Variants in OSTM1 observed in about 807,000 individuals in gnomAD.
OSTM1 encodes osteopetrosis-associated transmembrane protein 1.
Under a neutral mutation model 35.4 loss-of-function variants are expected in OSTM1, and 26 were observed. The ratio of observed to expected loss-of-function variants is 0.73; its 90% CI spans 0.54 to 1.02. OSTM1 has a LOEUF of 1.02. Ranked by LOEUF, OSTM1 falls within the 50% of genes least tolerant of loss-of-function variation. The pLI is 0.00. For synonymous variants in OSTM1, 181 were observed against 165.0 expected, an observed-to-expected ratio of 1.10 and a Z score of -0.75; for missense variants, 366 against 409.6, an observed-to-expected ratio of 0.89 and a Z score of 0.92.
chr6:108,050,904 T>A, intron 4 of OSTM1, 127 bp downstream of exon 4: 2 of 807,058 alleles, frequency 2.5e-6, no homozygotes, highest in East Asian at 2.4e-5. Context: ...TACTACTTTA[T>A]AACTAGTTAT....
intron 2 of OSTM1, among the ~76,000 whole-genome samples, chr6:108,062,343 T>G (rs1772293594): frequency 6.6e-6 from 1 of 152,120 alleles, no homozygotes; most frequent in Non-Finnish European, 1.5e-5. Context: ...TGAAGCAGGA[T>G]GGCATGGGAT....
At chr6:108,056,895 G>T (rs1435797514) in intron 2 of OSTM1, among the ~76,000 whole-genome samples, 1 of 152,160 alleles carries the variant, frequency 6.6e-6, no homozygotes, top group Non-Finnish European at 1.5e-5. Flanking sequence ...CTAAGCCACA[G>T]AAATAGGTGA....
chr6:108,053,532 AC>A (rs1461682461), intron 3 of OSTM1, among the ~76,000 whole-genome samples: 1 of 152,124 alleles, frequency 6.6e-6, no homozygotes, highest in East Asian at 1.9e-4. Flanking sequence ...TTTTTTTGAG[AC>A]AGAGTCTCTC....
chr6:108,053,399 C>T (rs1054676601), intron 3 of OSTM1, among the ~76,000 whole-genome samples: 1 of 152,044 alleles, frequency 6.6e-6, no homozygotes, highest in Non-Finnish European at 1.5e-5. Context: ...ACTAAAGGCT[C>T]TGAAGTCCTG....
At chr6:108,045,250 T>C (rs1771947248) in intron 5 of OSTM1, among the ~76,000 whole-genome samples, 1 of 152,102 alleles carries the variant, frequency 6.6e-6, no homozygotes, top group Non-Finnish European at 1.5e-5. Context: ...TTCCCCAACC[T>C]GATAAAGAGC....
chr6:108,070,538 AG>A (rs1386160106), intron 1 of OSTM1, among the ~76,000 whole-genome samples: 1 of 152,154 alleles, frequency 6.6e-6, no homozygotes, highest in Admixed American at 6.6e-5. Context: ...CAAGAATAGT[AG>A]GTGCTTGCTA....
At chr6:108,058,695 G>A (rs965994949) in intron 2 of OSTM1, among the ~76,000 whole-genome samples, 66 of 151,962 alleles carry the variant, frequency 4.3e-4, no homozygotes, top group Non-Finnish European at 5.9e-4. Context: ...GGAGAATGGC[G>A]TGAACCTGGG....
In OSTM1 at chr6:108,044,811, C is replaced by T; in HGVS notation, c.979G>A (p.Ala327Thr). Residue 327 changes from alanine (A) to threonine (T), a missense_variant, in exon 6 of 6, where the codon GCA (alanine) becomes ACA (threonine). Ala to Thr is a moderately conservative substitution (Grantham distance 58). Transcript: ENST00000193322. ...CAGTTTGAATTTTCCTGAATATTTG[C>T]AAAACTGGTACTGGACTTGAGACGT... ...PKRLKSSTSF[A>T]NIQENSN is the part of the protein sequence containing the mutation. 6.3e-7 allele frequency: 1 copy of T among 1,581,198 alleles called. No homozygotes were observed. The highest frequency in any genetic ancestry group is 1.7e-5 in the Admixed American group (1 of 59,606).
intron 3 of OSTM1, 53 bp downstream of exon 3, chr6:108,054,437 T>G (rs1772135489): frequency 2.4e-6 from 2 of 820,718 alleles, no homozygotes; most frequent in East Asian, 2.7e-5. Context: ...GAACTGCACA[T>G]TATTCCTTTG....
intron 1 of OSTM1, among the ~76,000 whole-genome samples, chr6:108,067,893 G>A (rs1582398315): frequency 6.7e-6 from 1 of 149,120 alleles, no homozygotes; most frequent in Non-Finnish European, 1.5e-5. Flanking sequence ...GTCCCACATT[G>A]CTCTTTAGTG....
At chr6:108,045,847 C>A (rs146497624) in intron 5 of OSTM1, among the ~76,000 whole-genome samples, 3 of 152,090 alleles carry the variant, frequency 2.0e-5, no homozygotes, top group Non-Finnish European at 4.4e-5. Context: ...CTAAGAGTCT[C>A]CCTACTTCAG....
chr6:108,057,272 C>A (rs891642144), intron 2 of OSTM1, among the ~76,000 whole-genome samples: 10 of 151,966 alleles, frequency 6.6e-5, no homozygotes, highest in Non-Finnish European at 1.5e-4. Flanking sequence ...TGAAGTAGCC[C>A]GCAATCCTTT....
In OSTM1 at chr6:108,048,953, G is replaced by A. The variant is rs549610047; in HGVS notation, c.949+300C>T. Among the ~76,000 whole-genome samples the A allele has an allele frequency of 7.9e-5, 12 of 151,866 alleles. No homozygotes were observed. In the South Asian group the frequency reaches 1.9e-3, roughly 24 times the overall value. On this transcript the variant is annotated intron_variant, in intron 5 of 5. Transcript: ENST00000193322. ...TTTTTAGTAGAGATGGGGTTTCACCGTGTTAGCCAGGATGGTCTCGATCTC... is the reference window on the plus strand; with the variant it reads ...TTTTTAGTAGAGATGGGGTTTCACCATGTTAGCCAGGATGGTCTCGATCTC...
At chr6:108,054,432 G>A in intron 3 of OSTM1, 58 bp downstream of exon 3, 2 of 771,200 alleles carry the variant, frequency 2.6e-6, no homozygotes, top group Non-Finnish European at 4.3e-6. Flanking sequence ...ACTTGGAACT[G>A]CACATTATTC....
chr6:108,070,506 A>G (rs1453544730), intron 1 of OSTM1, among the ~76,000 whole-genome samples: 1 of 152,164 alleles, frequency 6.6e-6, no homozygotes, highest in Non-Finnish European at 1.5e-5. Context: ...TTTCCTTCTT[A>G]TCCTTTTACC....
chr6:108,065,110 C>G (rs913226029), intron 1 of OSTM1, among the ~76,000 whole-genome samples: 1 of 152,040 alleles, frequency 6.6e-6, no homozygotes, highest in Admixed American at 6.6e-5. Context: ...CCATCCACCT[C>G]GGCCTCCCAA....
At chr6:108,057,322 T>C (rs563829713) in intron 2 of OSTM1, among the ~76,000 whole-genome samples, 2 of 152,296 alleles carry the variant, frequency 1.3e-5, no homozygotes, top group South Asian at 2.1e-4. Flanking sequence ...AAACAAACAA[T>C]TACATAGTTT....
At chr6:108,049,758 T>C (rs915721580) in intron 4 of OSTM1, 4 of 223,114 alleles carry the variant, frequency 1.8e-5, no homozygotes, top group Non-Finnish European at 2.7e-5. Context: ...AAAATATTTA[T>C]TATTTATTGA....
chr6:108,047,492 T>C (rs1259604397), intron 5 of OSTM1, among the ~76,000 whole-genome samples: 1 of 152,234 alleles, frequency 6.6e-6, no homozygotes, highest in Non-Finnish European at 1.5e-5. Context: ...CATTCCAAGT[T>C]AGTAGAGAAA....
Sources: gnomAD v4.1 joint callset for allele counts (sites outside exome capture counted in the v4.1 genomes callset) on GRCh38, gnomAD v4.1.1 for gene constraint, MANE v1.5 for transcripts, NCBI Gene and HGNC (gene_info 2026-07-23, HGNC 2026-07-21) for gene names.